Variants in ERO1A observed in about 807,000 individuals in gnomAD.
ERO1A encodes the protein endoplasmic reticulum oxidoreductase 1 alpha.
Under a neutral mutation model 76.9 loss-of-function variants are expected in ERO1A, and 49 were observed. The observed-to-expected ratio is 0.64, with a 90% confidence interval of 0.51 to 0.81. The LOEUF (loss-of-function observed/expected upper bound fraction) is 0.81. Ranked by LOEUF, ERO1A falls within the 30% of genes least tolerant of loss-of-function variation. ERO1A has a pLI of 0.00. For missense variants in ERO1A, 448 were observed against 542.1 expected (o/e 0.83, Z 1.72); for synonymous variants, 174 against 181.2 (o/e 0.96, Z 0.32).
intron 15 of ERO1A, 37 bp from the exon 16 acceptor site, chr14:52,643,667 A>C: frequency 1.4e-5 from 15 of 1,089,866 alleles, no homozygotes; most frequent in Non-Finnish European, 1.8e-5. Flanking sequence ...AAACCATCTT[A>C]GATAAATTTT....
At chr14:52,681,727 C>T (rs2041000033) in intron 3 of ERO1A, among the ~76,000 whole-genome samples, 1 of 152,086 alleles carries the variant, frequency 6.6e-6, no homozygotes, top group Non-Finnish European at 1.5e-5. Flanking sequence ...AATTTTAATG[C>T]TCCAAAAATT....
intron 1 of ERO1A, 32 bp downstream of exon 1, chr14:52,695,336 G>A: frequency 1.5e-6 from 2 of 1,354,156 alleles, no homozygotes; most frequent in Non-Finnish European, 1.9e-6. Context: ...GAGGGCGCCG[G>A]GACCCTCAGC....
chr14:52,644,412 C>T (rs746839601), intron 15 of ERO1A, among the ~76,000 whole-genome samples: 5 of 151,948 alleles, frequency 3.3e-5, no homozygotes, highest in African/African-American at 4.8e-5. Context: ...GAGATCACGT[C>T]GGTCAATCAA....
At chr14:52,687,582 G>A (rs562342054) in intron 1 of ERO1A, among the ~76,000 whole-genome samples, 1 of 152,352 alleles carries the variant, frequency 6.6e-6, no homozygotes, top group Non-Finnish European at 1.5e-5. Context: ...ACTGGATGTT[G>A]TTTCAGGATG....
At position 52,695,473 on chromosome 14, in the gene ERO1A, G is replaced by A. The variant is rs1355163895; in HGVS notation, c.9C>T (p.Arg3=). The change falls in exon 1 of 16, where the codon CGC becomes CGT. Residue 3 remains arginine (R), a synonymous_variant. Coordinates refer to ENST00000395686, the MANE Select transcript of ERO1A (RefSeq NM_014584.3). Reference sequence around the variant, plus strand: ...GGAGGCCAAACAAGAATCCCCAGCCGCGGCCCATTGCAGCTCCGGCAGCTT... The same window carrying A: ...GGAGGCCAAACAAGAATCCCCAGCCACGGCCCATTGCAGCTCCGGCAGCTT... MG[R]GWGFLFGLLG... The A allele has an allele frequency of 1.3e-6, 2 of 1,518,376 alleles. No homozygotes were observed. The highest frequency in any genetic ancestry group is 8.8e-7 in the Non-Finnish European group (1 of 1,130,382). 94.1% of individuals were successfully genotyped at this position (1,518,376 alleles called of 1,614,324 possible). A position where few individuals can be genotyped will look rare whatever the true frequency, so the allele number is the denominator to read the frequency against.
At chr14:52,677,864 TAAAAAAAAAAAA>T (rs71267893) in intron 4 of ERO1A, among the ~76,000 whole-genome samples, 5 of 87,140 alleles carry the variant, frequency 5.7e-5, no homozygotes, top group African/African-American at 1.4e-4. Flanking sequence ...CCTTTTATCT[TAAAAAAAAAAAA>T]AAAAAAAAAA....
rs886336701 is a variant in ERO1A, at chr14:52,640,740, G to T, written c.*2830C>A. The stretch of plus-strand genomic sequence containing the variant: ...AAAACTTAGACACTAAATGATAGGG[G>T]AAGGTGGAGGAGAGGAATGAGCCTA... On this transcript the variant is annotated 3_prime_UTR_variant, in exon 16 of 16. Transcript: ENST00000395686. The T allele has an allele frequency of 4.6e-5, 7 of 152,298 alleles. 2 individuals are homozygous for T. The Middle Eastern group carries it at 0.02, about 441-fold the overall frequency. 9.4% of individuals were successfully genotyped at this position (152,298 alleles called of 1,614,324 possible).
chr14:52,648,815 G>C (rs1191897790), intron 13 of ERO1A, among the ~76,000 whole-genome samples: 1 of 152,156 alleles, frequency 6.6e-6, no homozygotes, highest in Non-Finnish European at 1.5e-5. Context: ...TGTATGACAT[G>C]TACAGAGAGC....
chr14:52,648,358 A>C (rs951358261), intron 13 of ERO1A, among the ~76,000 whole-genome samples: 1 of 152,160 alleles, frequency 6.6e-6, no homozygotes, highest in Non-Finnish European at 1.5e-5. Flanking sequence ...TTTAACAATA[A>C]TAACAGAGTA....
chr14:52,672,989 T>C (rs1375667788), intron 4 of ERO1A, among the ~76,000 whole-genome samples: 4 of 152,182 alleles, frequency 2.6e-5, no homozygotes, highest in Admixed American at 6.5e-5. Context: ...TTCTGAATCA[T>C]ATTAAACACC....
At chr14:52,662,031 T>C (rs947350070) in intron 8 of ERO1A, among the ~76,000 whole-genome samples, 6 of 152,166 alleles carry the variant, frequency 3.9e-5, no homozygotes, top group Non-Finnish European at 7.4e-5. Flanking sequence ...AAATTTATTA[T>C]ACATATTGTT....
At chr14:52,689,836 T>C (rs1228628031) in intron 1 of ERO1A, among the ~76,000 whole-genome samples, 2 of 152,216 alleles carry the variant, frequency 1.3e-5, no homozygotes, top group Non-Finnish European at 2.9e-5. Context: ...ACAGCAATTT[T>C]GCAAGAACAA....
intron 9 of ERO1A, 86 bp downstream of exon 9, chr14:52,661,207 G>A (rs1458713352): frequency 2.1e-6 from 1 of 482,972 alleles, no homozygotes; most frequent in Non-Finnish European, 3.5e-6. Flanking sequence ...TTTTAGAGGT[G>A]AGAAGAAAAA....
At chr14:52,672,648 TAATACTA>T (rs1361742894) in intron 4 of ERO1A, among the ~76,000 whole-genome samples, 1 of 151,882 alleles carries the variant, frequency 6.6e-6, no homozygotes, top group African/African-American at 2.4e-5. Context: ...CATGTGCCTA[TAATACTA>T]GCTACTCAGG....
Position 52,678,435 on chromosome 14 carries a change from T to C in ERO1A, c.356A>G (p.Lys119Arg), listed in dbSNP as rs923671039. The C allele has an allele frequency of 6.2e-7, 1 of 1,613,182 alleles. No individual in the cohort carries two copies. The highest frequency in any genetic ancestry group is 8.5e-7 in the Non-Finnish European group (1 of 1,179,548). ...VPDGIKSASYKYSEEANNLIE... is the reference protein window; with the variant it reads ...VPDGIKSASYRYSEEANNLIE... ...ACATCAATAGGTATACGTACACACC[T>C]TGTAGCTCGCAGATTTAATTCCATC... Residue 119 changes from lysine (K) to arginine (R), a missense_variant and splice_region_variant, in exon 4 of 16, where the codon AAG becomes AGG. Around this residue, in one of 2 missense-constraint regions of ERO1A, gnomAD observed 302 missense variants for 411.9 expected, o/e 0.73. Transcript: ENST00000395686.
At chr14:52,672,791 A>C (rs2040650383) in intron 4 of ERO1A, among the ~76,000 whole-genome samples, 1 of 150,320 alleles carries the variant, frequency 6.7e-6, no homozygotes, top group East Asian at 1.9e-4. Flanking sequence ...AAAAAAAAAA[A>C]AACAAAAAAC....
chr14:52,656,078 A>T (rs530266500), intron 11 of ERO1A, among the ~76,000 whole-genome samples: 45 of 152,318 alleles, frequency 3.0e-4, no homozygotes, highest in African/African-American at 1.1e-3. Flanking sequence ...GTACAAAAAT[A>T]TCTCTTGAAC....
At chr14:52,666,803 C>T (rs577900579) in intron 6 of ERO1A, among the ~76,000 whole-genome samples, 8 of 152,000 alleles carry the variant, frequency 5.3e-5, no homozygotes, top group African/African-American at 7.3e-5. Flanking sequence ...TGGTGGTGCA[C>T]GCCTGTAGTC....
At chr14:52,672,439 A>G (rs1566642690) in intron 4 of ERO1A, among the ~76,000 whole-genome samples, 1 of 152,204 alleles carries the variant, frequency 6.6e-6, no homozygotes, top group African/African-American at 2.4e-5. Flanking sequence ...AACATCAAAT[A>G]AGTTGTCTCT....
Sources: gnomAD v4.1 joint callset for allele counts (sites outside exome capture counted in the v4.1 genomes callset) on GRCh38, gnomAD v4.1.1 for gene constraint, gnomAD v4.1.1 regional missense constraint, MANE v1.5 for transcripts, NCBI Gene and HGNC (gene_info 2026-07-23, HGNC 2026-07-21) for gene names.